The following CEP68 variants were observed in gnomAD, a reference collection of about 807,000 sequenced individuals.
CEP68 encodes centrosomal protein 68.
A neutral mutation model predicts 55.3 loss-of-function variants in CEP68; 26 were observed. That is an observed-to-expected ratio of 0.47 (90% confidence interval 0.34 to 0.65). The LOEUF (loss-of-function observed/expected upper bound fraction) is 0.65. CEP68 is among the 30% of genes least tolerant of loss of function. The probability of loss-of-function intolerance (pLI) is 0.01; values close to 1 mark genes in which losing one functional copy is unlikely to be tolerated. For missense variants in CEP68, 957 were observed against 946.7 expected, an observed-to-expected ratio of 1.01 and a Z score of -0.14; for synonymous variants, 402 against 383.2, an observed-to-expected ratio of 1.05 and a Z score of -0.57.
intron 2 of CEP68, among the ~76,000 whole-genome samples, chr2:65,070,053 G>T (rs994471605): frequency 4.6e-5 from 7 of 152,188 alleles, no homozygotes; most frequent in Admixed American, 4.6e-4. Context: ...AGGGATTATA[G>T]GCCAAGAGGC....
intron 1 of CEP68, among the ~76,000 whole-genome samples, chr2:65,058,434 G>A (rs546964015): frequency 1.3e-5 from 2 of 150,810 alleles, no homozygotes; most frequent in South Asian, 4.2e-4. Context: ...GAACTCCTGG[G>A]CTCAAGCGAT....
At chr2:65,070,173 G>A (rs1676393610) in intron 2 of CEP68, among the ~76,000 whole-genome samples, 1 of 152,198 alleles carries the variant, frequency 6.6e-6, no homozygotes, top group Admixed American at 6.5e-5. Context: ...TGGGAAAGGA[G>A]TGTCCAGGGC....
intron 2 of CEP68, 37 bp from the exon 3 acceptor site, chr2:65,071,417 T>G (rs1676453031): frequency 6.4e-7 from 1 of 1,558,088 alleles, no homozygotes; most frequent in Non-Finnish European, 8.8e-7. Flanking sequence ...GGGTTTGATT[T>G]TTACCCAAGT....
chr2:65,069,400 A>G lies in CEP68; in HGVS notation c.-45A>G. On this transcript the variant is annotated splice_region_variant and 5_prime_UTR_variant, in exon 2 of 7. Coordinates refer to ENST00000377990, the MANE Select transcript of CEP68 (RefSeq NM_015147.3). ...TCTCTCCCTTCCCCTGTTTTGTAGG[A>G]AGCTGAAGTCTTCAGCAGAACCCTG... The G allele has an allele frequency of 7.2e-7, 1 of 1,393,012 alleles. No individual in the cohort carries two copies. Among genetic ancestry groups the G allele is most frequent in the Non-Finnish European group, 9.7e-7 (1 of 1,034,418 alleles). The allele number at this position is 1,393,012 out of a possible 1,614,324, so 86.3% of individuals were successfully genotyped here.
At chr2:65,058,682 T>C (rs1012754485) in intron 1 of CEP68, among the ~76,000 whole-genome samples, 1 of 151,864 alleles carries the variant, frequency 6.6e-6, no homozygotes, top group Non-Finnish European at 1.5e-5. Context: ...AATTTTTGTA[T>C]TTTTGGTAGA....
chr2:65,081,172 G>C (rs1185293108), intron 5 of CEP68, among the ~76,000 whole-genome samples: 1 of 149,574 alleles, frequency 6.7e-6, no homozygotes, highest in African/African-American at 2.5e-5. Flanking sequence ...GATTTGTGCC[G>C]CTGCACTCCA....
intron 4 of CEP68, among the ~76,000 whole-genome samples, chr2:65,075,461 T>G (rs1412987677): frequency 6.6e-6 from 1 of 152,088 alleles, no homozygotes; most frequent in African/African-American, 2.4e-5. Context: ...TGGGTTTGGT[T>G]TTAGTTTTCT....
At chr2:65,081,717 G>A (rs933156264) in intron 5 of CEP68, among the ~76,000 whole-genome samples, 1 of 151,026 alleles carries the variant, frequency 6.6e-6, no homozygotes, top group African/African-American at 2.5e-5. Context: ...TTGTTTTTGA[G>A]ACAGAGTTGC....
rs922317341 is a variant in CEP68 at position 65,086,411 on chromosome 2, A to T, written c.*2777A>T. The T allele has an allele frequency of 6.6e-6, 1 of 152,198 alleles. No individual in the cohort carries two copies. Among genetic ancestry groups the T allele is most frequent in the Non-Finnish European group, 1.5e-5 (1 of 68,022 alleles). 9.4% of individuals were successfully genotyped at this position (152,198 alleles called of 1,614,324 possible). Reference sequence around the variant, plus strand: ...CTTGAAAATGGGGGTATAAAGGGGTATATATTTTTTCCAGAACCACATTTA... The same window carrying T: ...CTTGAAAATGGGGGTATAAAGGGGTTTATATTTTTTCCAGAACCACATTTA... On this transcript the variant is annotated 3_prime_UTR_variant, in exon 7 of 7. Coordinates refer to ENST00000377990, the MANE Select transcript of CEP68 (RefSeq NM_015147.3).
Position 65,072,082 on chromosome 2 carries a change from T to C in CEP68, c.986T>C (p.Leu329Pro). 6.2e-7 allele frequency: 1 copy of C among 1,614,078 alleles called. No individual in the cohort carries two copies. Among genetic ancestry groups the C allele is most frequent in the Non-Finnish European group, 8.5e-7 (1 of 1,180,014 alleles). Residue 329 changes from leucine to proline, a missense_variant, in exon 3 of 7, where the codon CTG becomes CCG. Transcript: ENST00000377990. ...AGCCGTGTGCCAGCTGACCCTGTCC[T>C]GCAGGACTCCGGGGTAGACCTGGAT... ...LDSRVPADPV[L>P]QDSGVDLDSF...
At position 65,072,295 on chromosome 2, in the gene CEP68, C is replaced by A. The variant is rs762753492; in HGVS notation, c.1199C>A (p.Thr400Asn). 16 of 1,613,928 alleles carry A rather than the reference C, an allele frequency of 9.9e-6. No homozygotes were observed. Among genetic ancestry groups the A allele is most frequent in the Middle Eastern group, 1.6e-4 (1 of 6,084 alleles). The change falls in exon 3 of 7, where the codon ACC becomes AAC. Residue 400 changes from threonine to asparagine, a missense_variant. Physicochemically the swap from Thr to Asn is moderately conservative, Grantham distance 65. Coordinates refer to ENST00000377990, the MANE Select transcript of CEP68 (RefSeq NM_015147.3). ...GLASWSQLASTPRAPGSRDAR... is the reference protein window; with the variant it reads ...GLASWSQLASNPRAPGSRDAR... ...GCATCTTGGAGCCAACTTGCATCTA[C>A]CCCCAGAGCCCCAGGCAGTAGGGAT...
intron 3 of CEP68, 55 bp downstream of exon 3, chr2:65,073,035 C>G: frequency 6.4e-7 from 1 of 1,569,256 alleles, no homozygotes. Flanking sequence ...TCTCTTCCCC[C>G]AATCCACTAA....
At chr2:65,064,174 G>T (rs1363338228) in intron 1 of CEP68, among the ~76,000 whole-genome samples, 2 of 152,182 alleles carry the variant, frequency 1.3e-5, no homozygotes, top group African/African-American at 2.4e-5. Flanking sequence ...TTAGGTTTGT[G>T]TGTATCCTTG....
At position 65,077,924 on chromosome 2, in the gene CEP68, G is replaced by C; in HGVS notation, c.2064G>C (p.Lys688Asn). Residue 688 changes from lysine to asparagine, a missense_variant, in exon 5 of 7, where the codon AAG becomes AAC. Lys to Asn is a moderately conservative substitution (Grantham distance 94). Transcript: ENST00000377990. ...CTCTGACGGAGAGTGTCTTACAGAA[G>C]GGGGAGATTCTTCTTCAGTGCCTGT... ...HQSLTESVLQ[K>N]GEILLQCLLE... 2 of 1,613,976 alleles carry C rather than the reference G, an allele frequency of 1.2e-6. No individual in the cohort carries two copies. The highest frequency in any genetic ancestry group is 1.1e-5 in the South Asian group (1 of 91,070).
intron 1 of CEP68, among the ~76,000 whole-genome samples, chr2:65,064,474 C>A (rs547043049): frequency 6.6e-6 from 1 of 152,232 alleles, no homozygotes; most frequent in African/African-American, 2.4e-5. Context: ...GTGGCTCACA[C>A]CTGTAATCCC....
intron 1 of CEP68, among the ~76,000 whole-genome samples, chr2:65,068,663 C>T (rs1348008634): frequency 6.6e-6 from 1 of 152,006 alleles, no homozygotes; most frequent in Non-Finnish European, 1.5e-5. Context: ...CCTGTCTCTA[C>T]TAAAAATAGA....
At chr2:65,064,602 T>C (rs909189698) in intron 1 of CEP68, among the ~76,000 whole-genome samples, 3 of 151,796 alleles carry the variant, frequency 2.0e-5, no homozygotes, top group South Asian at 2.1e-4. Context: ...GGTGCGGTGG[T>C]GGGCGCCTGT....
At chr2:65,078,618 A>G (rs1420093756) in intron 5 of CEP68, among the ~76,000 whole-genome samples, 2 of 152,164 alleles carry the variant, frequency 1.3e-5, no homozygotes, top group Non-Finnish European at 2.9e-5. Flanking sequence ...GGCTCACCGC[A>G]AGTTCACCTG....
chr2:65,061,345 T>A (rs1013417107), intron 1 of CEP68, among the ~76,000 whole-genome samples: 11 of 152,124 alleles, frequency 7.2e-5, no homozygotes, highest in Admixed American at 2.0e-4. Context: ...CCCTACCGCA[T>A]TGATCTACAG....
Sources: allele counts gnomAD v4.1 joint callset (sites outside exome capture counted in the v4.1 genomes callset), GRCh38; gene constraint gnomAD v4.1.1; transcripts MANE v1.5; gene names NCBI Gene and HGNC (gene_info 2026-07-23, HGNC 2026-07-21).